The following RTN1 variants were observed in gnomAD, a reference collection of about 807,000 sequenced individuals.
The protein encoded by RTN1 is reticulon 1, also known as reticulon-1.
In RTN1, 25 loss-of-function variants were observed where a neutral mutation model predicts 65.5. The observed-to-expected ratio is 0.38, with a 90% CI of 0.28 to 0.53. The LOEUF is 0.53. RTN1 is among the 20% of genes least tolerant of loss of function. The pLI, the probability that RTN1 is intolerant of heterozygous loss-of-function variation, is 0.79. For missense variants in RTN1, 983 were observed against 1,025.4 expected (o/e 0.96, Z 0.57); for synonymous variants, 471 against 447.6 (o/e 1.05, Z -0.66).
At chr14:59,612,630 C>G (rs1000154302) in intron 3 of RTN1, among the ~76,000 whole-genome samples, 2 of 152,224 alleles carry the variant, frequency 1.3e-5, no homozygotes, top group Admixed American at 6.5e-5. Flanking sequence ...GCCTGCTTCT[C>G]AAGCCAGCTT....
At chr14:59,684,874 C>CA (rs1265459845) in intron 3 of RTN1, among the ~76,000 whole-genome samples, 52 of 152,228 alleles carry the variant, frequency 3.4e-4, no homozygotes, top group Admixed American at 2.0e-3. Flanking sequence ...ATGTACAGTG[C>CA]TGCTGATGAG....
At chr14:59,655,464 C>T (rs1883103818) in intron 3 of RTN1, among the ~76,000 whole-genome samples, 1 of 152,132 alleles carries the variant, frequency 6.6e-6, no homozygotes, top group Non-Finnish European at 1.5e-5. Flanking sequence ...CAGAAATTGA[C>T]AACGGGATCC....
rs1160403698 is a variant in RTN1 at position 59,790,554 on chromosome 14, G to C, written c.242-44073C>G. Among the ~76,000 whole-genome samples the C allele has an allele frequency of 6.6e-6, 1 of 152,114 alleles. No homozygotes were observed. The highest frequency in any genetic ancestry group is 6.5e-5 in the Admixed American group (1 of 15,268). On this transcript the variant is annotated intron_variant, in intron 1 of 8. Transcript: ENST00000267484. This position sits in a 1 kb window ranked among gnomAD's most constrained non-coding sequence, Gnocchi z 4.1. ...CCTCTTCTAGGGGATTTGGTTTTGT[G>C]TGTGAAAGATGCCTGAAGAATTCAT...
intron 1 of RTN1, among the ~76,000 whole-genome samples, chr14:59,821,562 T>G (rs1040799257): frequency 6.6e-6 from 1 of 152,218 alleles, no homozygotes; most frequent in African/African-American, 2.4e-5. Flanking sequence ...TGAATAGGAA[T>G]GAAGACAGTG....
chr14:59,652,986 A>G (rs1382340562), intron 3 of RTN1, among the ~76,000 whole-genome samples: 2 of 152,112 alleles, frequency 1.3e-5, no homozygotes. Flanking sequence ...GAGAGGAGAA[A>G]GAAAGAAACA....
intron 3 of RTN1, among the ~76,000 whole-genome samples, chr14:59,682,355 C>T (rs745911973): frequency 3.3e-5 from 5 of 152,152 alleles, no homozygotes; most frequent in South Asian, 4.1e-4. Flanking sequence ...ATTTATTACA[C>T]ATCCAATGTT....
intron 1 of RTN1, among the ~76,000 whole-genome samples, chr14:59,835,185 G>A (rs898887756): frequency 1.8e-4 from 28 of 151,988 alleles, no homozygotes; most frequent in African/African-American, 6.5e-4. Flanking sequence ...GGAATGAAAT[G>A]CTGATACACA....
chr14:59,796,866 G>A (rs771306770), intron 1 of RTN1, among the ~76,000 whole-genome samples: 82 of 152,168 alleles, frequency 5.4e-4, no homozygotes, highest in Non-Finnish European at 1.0e-3. Context: ...GGCCCCTGAA[G>A]GCGGCGATTT....
rs773146133 is a variant in RTN1, at chr14:59,849,065, A to T, written c.241+21325T>A. Among the ~76,000 whole-genome samples, 10 of 151,966 alleles carry T rather than the reference A, an allele frequency of 6.6e-5. No homozygotes were observed. The highest frequency in any genetic ancestry group is 1.5e-4 in the Non-Finnish European group (10 of 68,008). On this transcript the variant is annotated intron_variant, in intron 1 of 8. Coordinates refer to ENST00000267484, the MANE Select transcript of RTN1 (RefSeq NM_021136.3). The surrounding 1 kb of genome is among the most constrained non-coding windows in gnomAD (Gnocchi z 4.5). ...CAACTTAGCAGGAAGTTGCTGGAAG[A>T]CTCCTTTTCTATATGTAGTTTATGG...
chr14:59,639,532 C>T (rs1386427434), intron 3 of RTN1, among the ~76,000 whole-genome samples: 1 of 151,922 alleles, frequency 6.6e-6, no homozygotes, highest in East Asian at 1.9e-4. Flanking sequence ...TCTCTTTTAC[C>T]TTGTCCTACT....
chr14:59,649,560 T>TAA (rs201508568), intron 3 of RTN1, among the ~76,000 whole-genome samples: 4 of 149,814 alleles, frequency 2.7e-5, no homozygotes, highest in Non-Finnish European at 6.0e-5. Context: ...AACAAATTTA[T>TAA]AAAAAAAAAC....
intron 3 of RTN1, among the ~76,000 whole-genome samples, chr14:59,713,488 C>A (rs1884466579): frequency 1.3e-5 from 2 of 152,228 alleles, no homozygotes; most frequent in African/African-American, 4.8e-5. Flanking sequence ...TAACTCATAA[C>A]TTGGCATTCT....
At chr14:59,639,895 T>A (rs919543059) in intron 3 of RTN1, among the ~76,000 whole-genome samples, 1 of 152,236 alleles carries the variant, frequency 6.6e-6, no homozygotes, top group Non-Finnish European at 1.5e-5. Flanking sequence ...TGTGACATCA[T>A]TTTAATATAT....
chr14:59,818,446 A>G (rs547472763), intron 1 of RTN1, among the ~76,000 whole-genome samples: 21 of 152,330 alleles, frequency 1.4e-4, no homozygotes, highest in Admixed American at 3.9e-4. Flanking sequence ...CTTCAACTCT[A>G]TATCTCCAGC....
Position 59,746,211 on chromosome 14 carries a change from G to T in RTN1, c.512C>A (p.Thr171Asn), listed in dbSNP as rs1339731532. ...LFSSDSGIEM[T>N]PAESTEVNKI... is the part of the protein sequence containing the mutation. ...GTTCACTTCCGTGGACTCTGCAGGA[G>T]TCATCTCTATTCCAGAATCAGAACT... Residue 171 changes from threonine to asparagine, a missense_variant, in exon 2 of 9, where the codon ACT (threonine) becomes AAT (asparagine). Coordinates refer to ENST00000267484, the MANE Select transcript of RTN1 (RefSeq NM_021136.3). 6.2e-7 allele frequency: 1 copy of T among 1,612,474 alleles called. No individual in the cohort carries two copies. The highest frequency in any genetic ancestry group is 1.1e-5 in the South Asian group (1 of 90,790).
chr14:59,659,183 GA>G (rs918446666), intron 3 of RTN1, among the ~76,000 whole-genome samples: 150 of 139,238 alleles, frequency 1.1e-3, no homozygotes, highest in Middle Eastern at 3.6e-3. Flanking sequence ...CAAGATTAGA[GA>G]AAAAAAAAAA....
At chr14:59,607,193 A>G (rs1881785142) in intron 4 of RTN1, 92 bp downstream of exon 4, 1 of 1,118,772 alleles carries the variant, frequency 8.9e-7, no homozygotes, top group Non-Finnish European at 1.3e-6. Context: ...GGTCTCAGAG[A>G]AACATGACTC....
At chr14:59,791,633 T>G (rs1886350207) in intron 1 of RTN1, among the ~76,000 whole-genome samples, 1 of 152,206 alleles carries the variant, frequency 6.6e-6, no homozygotes, top group Non-Finnish European at 1.5e-5. Flanking sequence ...ATGTGCATTC[T>G]GCCACATTAA....
intron 8 of RTN1, among the ~76,000 whole-genome samples, chr14:59,598,984 A>G (rs992182471): frequency 2.4e-4 from 36 of 152,228 alleles, no homozygotes; most frequent in African/African-American, 8.2e-4. Context: ...CAACCCTGAA[A>G]TTGAACACAG....
Sources: gnomAD v4.1 joint callset for allele counts (sites outside exome capture counted in the v4.1 genomes callset) on GRCh38, gnomAD v4.1.1 for gene constraint, Gnocchi (gnomAD v3.1) non-coding constraint, MANE v1.5 for transcripts, NCBI Gene and HGNC (gene_info 2026-07-23, HGNC 2026-07-21) for gene names.